Variants in FZR1 observed in about 807,000 individuals in gnomAD.
The protein encoded by FZR1 is fizzy and cell division cycle 20 related 1.
A neutral mutation model predicts 63.6 loss-of-function variants in FZR1; 11 were observed. That is an observed-to-expected ratio of 0.17 (90% CI 0.11 to 0.29). The LOEUF (loss-of-function observed/expected upper bound fraction) is 0.29, where lower values mean the gene tolerates loss of function less well. Among genes scored for constraint, FZR1 ranks in the 10% least tolerant of loss-of-function variants. FZR1 has a pLI of 1.00. For synonymous variants in FZR1, 328 were observed against 297.9 expected, an observed-to-expected ratio of 1.10 and a Z score of -1.04; for missense variants, 440 against 687.5, an observed-to-expected ratio of 0.64 and a Z score of 4.03.
rs769320935 is a variant in FZR1, at chr19:3,532,439, G to A, written c.1031G>A (p.Ser344Asn). The A allele has an allele frequency of 1.9e-6, 3 of 1,594,534 alleles. No homozygotes were observed. Among genetic ancestry groups the A allele is most frequent in the Non-Finnish European group, 2.6e-6 (3 of 1,169,056 alleles). The change falls in exon 11 of 14, where the codon AGC (serine) becomes AAC (asparagine). Residue 344 changes from serine (S) to asparagine (N), a missense_variant. Physicochemically the swap from Ser to Asn is conservative, Grantham distance 46. Around this residue, in one of 5 missense-constraint regions of FZR1, gnomAD observed 208 missense variants for 363.6 expected, o/e 0.57. Transcript: ENST00000441788. ...CAGCTGCTGGTCTGGAATCACTCGA[G>A]CCTGAGCCCCGTGCAGCAGTACACG... ...DNKLLVWNHS[S>N]LSPVQQYTEH...
intron 1 of FZR1, among the ~76,000 whole-genome samples, chr19:3,511,588 G>C (rs1210567738): frequency 6.6e-6 from 1 of 152,222 alleles, no homozygotes; most frequent in Non-Finnish European, 1.5e-5. Context: ...CACACCCAGT[G>C]GGGGCAGCAG....
Position 3,525,658 on chromosome 19 carries a change from G to A in FZR1, c.70-210G>A, listed in dbSNP as rs2083148916. On this transcript the variant is annotated intron_variant, in intron 2 of 13. Coordinates refer to ENST00000441788, the MANE Select transcript of FZR1 (RefSeq NM_016263.4). This position sits in a 1 kb window ranked among gnomAD's most constrained non-coding sequence, Gnocchi z 4.2. ...GAGGTTTCACAGTGTTAGCCAGGAT[G>A]GTCTTGATCTCCTGACCTCGTGATC... 6.6e-6 allele frequency among the ~76,000 whole-genome samples: 1 copy of A among 152,014 alleles called. No homozygotes were observed. Among genetic ancestry groups the A allele is most frequent in the Non-Finnish European group, 1.5e-5 (1 of 67,998 alleles).
intron 1 of FZR1, 22 bp from the exon 2 acceptor site, chr19:3,522,934 T>A (rs1187323080): frequency 2.4e-6 from 3 of 1,271,940 alleles, no homozygotes; most frequent in Admixed American, 3.4e-5. Context: ...CCCACTCACC[T>A]CTCCTGCCCT....
Position 3,534,963 on chromosome 19 carries a change from G to T in FZR1, c.*127G>T. 1.3e-6 allele frequency: 1 copy of T among 747,012 alleles called. No individual in the cohort carries two copies. Among genetic ancestry groups the T allele is most frequent in the Non-Finnish European group, 2.3e-6 (1 of 425,716 alleles). 46.3% of individuals were successfully genotyped at this position (747,012 alleles called of 1,614,324 possible). ...AAGGCGGCTGGGCGGGCGGGGAGCT[G>T]GGCCTGGAGGATCCTGGAGTCTCAT... is the stretch of plus-strand genomic sequence containing the variant. On this transcript the variant is annotated 3_prime_UTR_variant, in exon 14 of 14. Transcript: ENST00000441788.
Position 3,537,390 on chromosome 19 carries a change from G to A in FZR1, c.*2554G>A, listed in dbSNP as rs2030017394. The A allele has an allele frequency of 6.6e-6, 1 of 152,316 alleles. No individual in the cohort carries two copies. Among genetic ancestry groups the A allele is most frequent in the Non-Finnish European group, 1.5e-5 (1 of 68,088 alleles). 9.4% of individuals were successfully genotyped at this position (152,316 alleles called of 1,614,324 possible). ...GCAGTGGTTGGGAGACGCCCAGATG[G>A]AGGGGGAGGCTGACCAAGGGCCCCG... is the stretch of plus-strand genomic sequence containing the variant. On this transcript the variant is annotated 3_prime_UTR_variant, in exon 14 of 14. Coordinates refer to ENST00000441788, the MANE Select transcript of FZR1 (RefSeq NM_016263.4).
rs989150814 is a variant in FZR1, at chr19:3,536,287, C to G, written c.*1451C>G. 1 of 152,130 alleles carries G rather than the reference C, an allele frequency of 6.6e-6. No homozygotes were observed. Among genetic ancestry groups the G allele is most frequent in the African/African-American group, 2.4e-5 (1 of 41,418 alleles). 9.4% of individuals were successfully genotyped at this position (152,130 alleles called of 1,614,324 possible). ...ACCCACTGCTCCTGGGGGATGAGGT[C>G]CTGGTTTTAAAGCCCCGTCATTTCA... On this transcript the variant is annotated 3_prime_UTR_variant, in exon 14 of 14. Transcript: ENST00000441788.
rs760551177 is a variant in FZR1 at position 3,525,826 on chromosome 19, G to A, written c.70-42G>A. 2.5e-6 allele frequency: 4 copies of A among 1,597,696 alleles called. No homozygotes were observed. Among genetic ancestry groups the A allele is most frequent in the Non-Finnish European group, 3.4e-6 (4 of 1,175,350 alleles). Reference sequence around the variant, plus strand: ...GCTGGCCTGGGGGCACTCTCGGGGGGCTCTCGGTGCTGAGAGCAAGCCCTC... The same window carrying A: ...GCTGGCCTGGGGGCACTCTCGGGGGACTCTCGGTGCTGAGAGCAAGCCCTC... On this transcript the variant is annotated intron_variant, in intron 2 of 13. Coordinates refer to ENST00000441788, the MANE Select transcript of FZR1 (RefSeq NM_016263.4). The surrounding 1 kb of genome is among the most constrained non-coding windows in gnomAD (Gnocchi z 4.2).
rs1568239317 is a variant in FZR1, at chr19:3,530,840, G to A, written c.703G>A (p.Val235Met). ...AGTGGAAGGGGACTCAGTGACCTCCGTGGGCTGGTCTGAGCGGGTGAGTGC... is the reference window on the plus strand; with the variant it reads ...AGTGGAAGGGGACTCAGTGACCTCCATGGGCTGGTCTGAGCGGGTGAGTGC... ...LSVEGDSVTS[V>M]GWSERGNLVA... Residue 235 changes from valine (V) to methionine (M), a missense_variant, in exon 8 of 14, where the codon GTG (valine) becomes ATG (methionine). Around this residue, in one of 5 missense-constraint regions of FZR1, gnomAD observed 208 missense variants for 363.6 expected, o/e 0.57. Transcript: ENST00000441788. The A allele has an allele frequency of 1.2e-6, 2 of 1,612,788 alleles. No individual in the cohort carries two copies. Among genetic ancestry groups the A allele is most frequent in the Non-Finnish European group, 1.7e-6 (2 of 1,179,438 alleles).
In FZR1 at chr19:3,527,827, T is replaced by A; in HGVS notation, c.654+13T>A. The A allele has an allele frequency of 6.2e-7, 1 of 1,600,968 alleles. No individual in the cohort carries two copies. Among genetic ancestry groups the A allele is most frequent in the South Asian group, 1.1e-5 (1 of 90,592 alleles). ...CTGTACCAGCCAGGTGGGTGCTGCG[T>A]GGGGTGTGCATGTGCATGGGGGCCT... On this transcript the variant is annotated intron_variant, in intron 7 of 13. Coordinates refer to ENST00000441788, the MANE Select transcript of FZR1 (RefSeq NM_016263.4).
chr19:3,508,120 TG>T (rs2082998641), intron 1 of FZR1, among the ~76,000 whole-genome samples: 1 of 48,746 alleles, frequency 2.1e-5, no homozygotes, highest in African/African-American at 8.3e-5. Context: ...GGGGTTGGGG[TG>T]GGGCTTTGGG....
rs553197834 is a variant in FZR1, at chr19:3,515,227, T to C, written c.-34-7729T>C. On this transcript the variant is annotated intron_variant, in intron 1 of 13. Transcript: ENST00000441788. This position sits in a 1 kb window ranked among gnomAD's most constrained non-coding sequence, Gnocchi z 4.6. The stretch of plus-strand genomic sequence containing the variant: ...GATGTGCAGCGAGGGTCCGGGTTGC[T>C]GCTAAACTCCCTCGACCCGGTCTGA... Among the ~76,000 whole-genome samples, 3 of 152,338 alleles carry C rather than the reference T, an allele frequency of 2.0e-5. No homozygotes were observed. Among genetic ancestry groups the C allele is most frequent in the Non-Finnish European group, 4.4e-5 (3 of 68,022 alleles).
chr19:3,520,124 C>G (rs1437056585), intron 1 of FZR1, among the ~76,000 whole-genome samples: 1 of 152,238 alleles, frequency 6.6e-6, no homozygotes, highest in Non-Finnish European at 1.5e-5. Context: ...TCACTGGGGA[C>G]AGATGCTTAG....
chr19:3,515,957 C>G lies in FZR1; in HGVS notation c.-34-6999C>G, dbSNP rs879914006. ...TGTGCAGTGGGTCTCACAGCCTCTT[C>G]CGCTCCCTGTCTGATGGCCTCTTGC... is the stretch of plus-strand genomic sequence containing the variant. On this transcript the variant is annotated intron_variant, in intron 1 of 13. Transcript: ENST00000441788. The surrounding 1 kb of genome is among the most constrained non-coding windows in gnomAD (Gnocchi z 4.6). Among the ~76,000 whole-genome samples, 7 of 152,144 alleles carry G rather than the reference C, an allele frequency of 4.6e-5. No homozygotes were observed. Among genetic ancestry groups the G allele is most frequent in the Non-Finnish European group, 1.0e-4 (7 of 68,026 alleles).
In FZR1 at chr19:3,525,432, CTTTTTTTTT is replaced by C. The variant is rs57486013; in HGVS notation, c.70-416_70-408del. 4.9e-4 allele frequency among the ~76,000 whole-genome samples: 34 copies of C among 68,742 alleles called. No individual in the cohort carries two copies. In the East Asian group the frequency reaches 7.9e-3, roughly 16 times the overall value. 45.1% of individuals were successfully genotyped at this position (68,742 alleles called of 152,430 possible). On this transcript the variant is annotated intron_variant, in intron 2 of 13. Transcript: ENST00000441788. This position sits in a 1 kb window ranked among gnomAD's most constrained non-coding sequence, Gnocchi z 4.2. ...TGTGTGGCTCCCCTCCTTGGGTTTT[CTTTTTTTTT>C]TTTTTTTTTTTTTTTTTTTGAGACG...
chr19:3,531,235 G>A (rs2083243608), intron 8 of FZR1, among the ~76,000 whole-genome samples: 1 of 152,182 alleles, frequency 6.6e-6, no homozygotes, highest in Non-Finnish European at 1.5e-5. Context: ...ATATCATGGG[G>A]AGGGTCTGTG....
chr19:3,531,998 A>G lies in FZR1; in HGVS notation c.911A>G (p.Gln304Arg). 1 of 1,569,692 alleles carries G rather than the reference A, an allele frequency of 6.4e-7. No homozygotes were observed. Residue 304 changes from glutamine (Q) to arginine (R), a missense_variant, in exon 10 of 14, where the codon CAG becomes CGG. This residue lies in a region of FZR1 where 208 missense variants were observed against 363.6 expected (regional missense o/e 0.57). Transcript: ENST00000441788. ...LQRDIRTPPL[Q>R]SERRLQGHRQ... ...AGGGACATCCGCACCCCGCCACTGC[A>G]GTCGGAGCGGCGGCTGCAGGGCCAC...
chr19:3,528,301 G>A (rs748263654), intron 7 of FZR1, among the ~76,000 whole-genome samples: 26 of 152,224 alleles, frequency 1.7e-4, no homozygotes, highest in Non-Finnish European at 3.4e-4. Flanking sequence ...GACACTGCCC[G>A]CTGGGGTGGG....
chr19:3,519,184 A>G (rs1197415467), intron 1 of FZR1, among the ~76,000 whole-genome samples: 4 of 152,196 alleles, frequency 2.6e-5, no homozygotes, highest in Non-Finnish European at 4.4e-5. Flanking sequence ...TGTCTGGGGA[A>G]GCCCCGTCCA....
chr19:3,532,713 CT>C (rs1359898739), intron 11 of FZR1, 63 bp downstream of exon 11: 14 of 1,138,966 alleles, frequency 1.2e-5, no homozygotes, highest in Non-Finnish European at 1.4e-5. Flanking sequence ...GGCCCCTTAC[CT>C]GCCACCTGAG....
Sources: gnomAD v4.1 joint callset for allele counts (sites outside exome capture counted in the v4.1 genomes callset) on GRCh38, gnomAD v4.1.1 for gene constraint, gnomAD v4.1.1 regional missense constraint, Gnocchi (gnomAD v3.1) non-coding constraint, MANE v1.5 for transcripts, NCBI Gene and HGNC (gene_info 2026-07-23, HGNC 2026-07-21) for gene names.